Variants in PCBP3 observed in about 807,000 individuals in gnomAD.
PCBP3 encodes the protein poly(rC) binding protein 3.
Under a neutral mutation model 52.7 loss-of-function variants are expected in PCBP3, and 25 were observed. The ratio of observed to expected loss-of-function variants is 0.47; its 90% CI spans 0.35 to 0.66. The LOEUF (loss-of-function observed/expected upper bound fraction) is 0.66, where lower values mean the gene tolerates loss of function less well. Ranked by LOEUF, PCBP3 falls within the 30% of genes least tolerant of loss-of-function variation. The pLI is 0.01. For missense variants in PCBP3, 391 were observed against 490.3 expected, an observed-to-expected ratio of 0.80 and a Z score of 1.91; for synonymous variants, 162 against 183.0, an observed-to-expected ratio of 0.89 and a Z score of 0.93.
intron 4 of PCBP3, among the ~76,000 whole-genome samples, chr21:45,801,506 C>A (rs1239585009): frequency 6.6e-6 from 1 of 152,242 alleles, no homozygotes; most frequent in Non-Finnish European, 1.5e-5. Context: ...CTCTTCTTGA[C>A]ATGGGTTTCA....
At chr21:45,841,128 G>A (rs561907335) in intron 4 of PCBP3, among the ~76,000 whole-genome samples, 8 of 152,132 alleles carry the variant, frequency 5.3e-5, no homozygotes, top group South Asian at 2.1e-4. Context: ...TATATTCTAC[G>A]ATATTTGCAC....
intron 9 of PCBP3, among the ~76,000 whole-genome samples, chr21:45,906,684 C>A (rs2096217245): frequency 6.6e-6 from 1 of 152,184 alleles, no homozygotes; most frequent in Non-Finnish European, 1.5e-5. Context: ...CCAGAGCCCA[C>A]ACACTTGCCG....
chr21:45,792,052 C>T (rs901181585), intron 4 of PCBP3, among the ~76,000 whole-genome samples: 3 of 152,272 alleles, frequency 2.0e-5, no homozygotes, highest in African/African-American at 7.2e-5. Context: ...CAAGGCAAGC[C>T]GACTGCAAGC....
At chr21:45,734,620 TC>T (rs2085715323) in intron 2 of PCBP3, among the ~76,000 whole-genome samples, 1 of 152,186 alleles carries the variant, frequency 6.6e-6, no homozygotes, top group Admixed American at 6.5e-5. Flanking sequence ...TTGCCTGGGT[TC>T]CCCCTTCCTG....
intron 4 of PCBP3, among the ~76,000 whole-genome samples, chr21:45,767,341 G>A (rs1424291661): frequency 6.6e-6 from 1 of 152,176 alleles, no homozygotes; most frequent in African/African-American, 2.4e-5. Context: ...TCCTGTTTTT[G>A]AGGTTTATCT....
chr21:45,940,305 A>G, intron 17 of PCBP3, 106 bp downstream of exon 17: 1 of 912,648 alleles, frequency 1.1e-6, no homozygotes, highest in South Asian at 1.7e-5. Flanking sequence ...AGTCTGGGCC[A>G]CACTCTGCCT....
chr21:45,862,289 A>G (rs1014171552), intron 5 of PCBP3, among the ~76,000 whole-genome samples: 3 of 152,170 alleles, frequency 2.0e-5, no homozygotes, highest in African/African-American at 7.2e-5. Flanking sequence ...GCAGATTTTT[A>G]TGCATCAGAA....
chr21:45,680,380 T>C (rs991961122), intron 2 of PCBP3, among the ~76,000 whole-genome samples: 7 of 152,232 alleles, frequency 4.6e-5, no homozygotes, highest in Admixed American at 1.3e-4. Flanking sequence ...TTTAGATATA[T>C]TTGTTTTAAT....
intron 1 of PCBP3, among the ~76,000 whole-genome samples, chr21:45,644,644 C>G (rs1045966874): frequency 6.6e-6 from 1 of 152,106 alleles, no homozygotes; most frequent in Non-Finnish European, 1.5e-5. Flanking sequence ...TATCTTCCAC[C>G]GTCCTTCAGA....
At chr21:45,789,885 A>G (rs568298254) in intron 4 of PCBP3, among the ~76,000 whole-genome samples, 16 of 152,272 alleles carry the variant, frequency 1.1e-4, no homozygotes, top group African/African-American at 3.6e-4. Flanking sequence ...CACGCCTGTA[A>G]TCCCACCACT....
chr21:45,687,212 T>C (rs1174993696), intron 2 of PCBP3, among the ~76,000 whole-genome samples: 1 of 152,200 alleles, frequency 6.6e-6, no homozygotes, highest in Non-Finnish European at 1.5e-5. Flanking sequence ...AAAGAAAGAC[T>C]GTCAACCTAT....
chr21:45,926,950 G>T (rs2075495281), intron 13 of PCBP3, among the ~76,000 whole-genome samples: 1 of 152,166 alleles, frequency 6.6e-6, no homozygotes, highest in Non-Finnish European at 1.5e-5. Context: ...TGACAGACAG[G>T]ATGGCATCTG....
intron 4 of PCBP3, among the ~76,000 whole-genome samples, chr21:45,814,809 AGTGAGTG>A (rs1289866767): frequency 8.4e-4 from 50 of 59,236 alleles, no homozygotes; most frequent in East Asian, 4.3e-3. Context: ...GTGAGTGGTG[AGTGAGTG>A]GTGAGTGGTG....
rs73378580 is a variant in PCBP3, at chr21:45,792,551, A to C, written c.-126+37099A>C. On this transcript the variant is annotated intron_variant, in intron 4 of 17. Coordinates refer to ENST00000681687, the MANE Select transcript of PCBP3 (RefSeq NM_001384156.1). ...GAACAGTCATCTACTGACACCCTGA[A>C]CCAGAATCTCCAGAAAAGACAGAAA... 4.9e-3 allele frequency among the ~76,000 whole-genome samples: 744 copies of C among 152,380 alleles called. 7 individuals carry two copies. The highest frequency in any genetic ancestry group is 0.016 in the African/African-American group (682 of 41,600).
chr21:45,651,786 A>C (rs1013990388), intron 1 of PCBP3, among the ~76,000 whole-genome samples: 16 of 152,362 alleles, frequency 1.1e-4, no homozygotes, highest in African/African-American at 3.8e-4. Context: ...AAATGTTTTT[A>C]AGTCCTTTTC....
At chr21:45,858,051 G>A (rs1393188433) in intron 5 of PCBP3, among the ~76,000 whole-genome samples, 3 of 152,186 alleles carry the variant, frequency 2.0e-5, no homozygotes, top group African/African-American at 7.2e-5. Flanking sequence ...CTGCCTTGCG[G>A]GCCATGCCCC....
chr21:45,869,650 G>C (rs1735092949), intron 5 of PCBP3, among the ~76,000 whole-genome samples: 2 of 152,214 alleles, frequency 1.3e-5, no homozygotes, highest in Admixed American at 1.3e-4. Flanking sequence ...CAGCTCCTCA[G>C]TGGCCAGGGC....
At chr21:45,896,835 T>C (rs79996481) in intron 6 of PCBP3, among the ~76,000 whole-genome samples, 2 of 135,330 alleles carry the variant, frequency 1.5e-5, no homozygotes, top group African/African-American at 5.8e-5. Context: ...GAACCAGAGA[T>C]GCACTGCCCG....
chr21:45,691,880 A>G (rs535344268), intron 2 of PCBP3, among the ~76,000 whole-genome samples: 48 of 152,272 alleles, frequency 3.2e-4, no homozygotes, highest in African/African-American at 1.1e-3. Context: ...TGTTCTGTCC[A>G]CCAGATTATC....
Sources: allele counts gnomAD v4.1 joint callset (sites outside exome capture counted in the v4.1 genomes callset), GRCh38; gene constraint gnomAD v4.1.1; transcripts MANE v1.5; gene names NCBI Gene and HGNC (gene_info 2026-07-23, HGNC 2026-07-21).